The following HTR7 variants were observed in gnomAD, a reference collection of about 807,000 sequenced individuals.
HTR7 encodes the protein 5-HT-7.
Under a neutral mutation model 34.0 loss-of-function variants are expected in HTR7, and 16 were observed. The ratio of observed to expected loss-of-function variants is 0.47; its 90% CI spans 0.32 to 0.71. The LOEUF is 0.71. HTR7 is among the 30% of genes least tolerant of loss of function. The probability of loss-of-function intolerance (pLI) is 0.04; values close to 1 mark genes in which losing one functional copy is unlikely to be tolerated. For missense variants in HTR7, 504 were observed against 625.5 expected (o/e 0.81, Z 2.07); for synonymous variants, 265 against 260.2 (o/e 1.02, Z -0.18).
chr10:90,780,293 TG>T (rs113442264), intron 1 of HTR7, among the ~76,000 whole-genome samples: 2,591 of 152,212 alleles, frequency 0.017, 86 homozygotes, highest in African/African-American at 0.058. Context: ...CCCAGTATTT[TG>T]GGAGGCCAAG....
chr10:90,835,197 C>T (rs1846236052), intron 1 of HTR7, among the ~76,000 whole-genome samples: 1 of 152,132 alleles, frequency 6.6e-6, no homozygotes, highest in East Asian at 1.9e-4. Flanking sequence ...CTAGTCTTGC[C>T]TCTAGGGCTT....
chr10:90,794,571 A>G (rs7921267), intron 1 of HTR7, among the ~76,000 whole-genome samples: 112,717 of 152,136 alleles, frequency 0.74, 42,958 homozygotes, highest in African/African-American at 0.94. Flanking sequence ...ATGGCTCACT[A>G]CAGCCTCAAC....
intron 1 of HTR7, among the ~76,000 whole-genome samples, chr10:90,837,370 T>C (rs553239430): frequency 2.0e-5 from 3 of 152,320 alleles, no homozygotes; most frequent in Admixed American, 6.5e-5. Flanking sequence ...AACAATGATA[T>C]GGTTGAATGT....
intron 1 of HTR7, among the ~76,000 whole-genome samples, chr10:90,772,339 G>A (rs1373353354): frequency 1.3e-5 from 2 of 152,000 alleles, no homozygotes; most frequent in African/African-American, 2.4e-5. Context: ...TAGCCTATAT[G>A]AGCCATTAGT....
At chr10:90,805,722 G>C (rs1845694942) in intron 1 of HTR7, among the ~76,000 whole-genome samples, 1 of 152,156 alleles carries the variant, frequency 6.6e-6, no homozygotes, top group Non-Finnish European at 1.5e-5. Flanking sequence ...AACTCTGTAA[G>C]ATCTGCTTCT....
intron 1 of HTR7, among the ~76,000 whole-genome samples, chr10:90,822,693 T>C (rs2120016807): frequency 6.6e-6 from 1 of 152,264 alleles, no homozygotes; most frequent in Non-Finnish European, 1.5e-5. Context: ...CCTAGGGCAT[T>C]TCAGAGACTT....
intron 1 of HTR7, among the ~76,000 whole-genome samples, chr10:90,834,057 G>A (rs1391955667): frequency 6.6e-6 from 1 of 152,176 alleles, no homozygotes; most frequent in African/African-American, 2.4e-5. Context: ...TACTGCAAAA[G>A]AGAATGCGAA....
rs760705242 is a variant in HTR7, at chr10:90,748,948, G to A, written c.1186C>T (p.Arg396Cys). The A allele has an allele frequency of 5.6e-6, 9 of 1,614,074 alleles. No homozygotes were observed. The Admixed American group carries it at 1.2e-4, about 21-fold the overall frequency. The change falls in exon 2 of 4, where the codon CGC (arginine) becomes TGC (cysteine). Residue 396 changes from arginine (R) to cysteine (C), a missense_variant. Physicochemically the swap from Arg to Cys is radical, Grantham distance 180. This residue lies in a region of HTR7 where 154 missense variants were observed against 212.1 expected (regional missense o/e 0.73). Coordinates refer to ENST00000336152, the MANE Select transcript of HTR7 (RefSeq NM_019859.4). ...FFNRDLRTTY[R>C]SLLQCQYRNI... ...CGGTACTGGCACTGGAGCAGGCTGCGATAGGTGGTCCTCAGGTCCCGGTTG... is the reference window on the plus strand; with the variant it reads ...CGGTACTGGCACTGGAGCAGGCTGCAATAGGTGGTCCTCAGGTCCCGGTTG...
chr10:90,808,569 C>G (rs1845742858), intron 1 of HTR7, among the ~76,000 whole-genome samples: 1 of 151,760 alleles, frequency 6.6e-6, no homozygotes, highest in Non-Finnish European at 1.5e-5. Flanking sequence ...GCGCCCTGAT[C>G]CCTTATTTCC....
At chr10:90,835,986 A>G (rs145526099) in intron 1 of HTR7, among the ~76,000 whole-genome samples, 50 of 152,310 alleles carry the variant, frequency 3.3e-4, no homozygotes, top group African/African-American at 1.2e-3. Flanking sequence ...AACAACTTGG[A>G]TGCTATCTGA....
chr10:90,824,802 G>A (rs940514216), intron 1 of HTR7, among the ~76,000 whole-genome samples: 5 of 152,186 alleles, frequency 3.3e-5, no homozygotes, highest in African/African-American at 1.2e-4. Flanking sequence ...GAAGGGGGAG[G>A]GACTATTGGG....
intron 1 of HTR7, among the ~76,000 whole-genome samples, chr10:90,769,336 T>TTA (rs1001465104): frequency 5.9e-5 from 9 of 152,244 alleles, no homozygotes; most frequent in African/African-American, 2.2e-4. Context: ...GGATTAAATT[T>TTA]ACTCTATACT....
chr10:90,756,342 G>A (rs1305527970), intron 1 of HTR7, among the ~76,000 whole-genome samples: 1 of 152,210 alleles, frequency 6.6e-6, no homozygotes, highest in East Asian at 1.9e-4. Context: ...TGTTCCGGAT[G>A]TATGTAAATC....
chr10:90,835,316 G>A (rs185466457), intron 1 of HTR7, among the ~76,000 whole-genome samples: 1 of 152,248 alleles, frequency 6.6e-6, no homozygotes, highest in East Asian at 1.9e-4. Flanking sequence ...AGACCTTAAT[G>A]ACAGAACATC....
intron 1 of HTR7, among the ~76,000 whole-genome samples, chr10:90,824,865 G>T (rs574569131): frequency 9.2e-5 from 14 of 152,308 alleles, no homozygotes; most frequent in African/African-American, 2.9e-4. Context: ...CTGACTTCAG[G>T]TCCTGGCTCC....
chr10:90,855,573 G>A (rs1034547954), intron 1 of HTR7, among the ~76,000 whole-genome samples: 2 of 152,208 alleles, frequency 1.3e-5, no homozygotes, highest in Non-Finnish European at 2.9e-5. Context: ...TTGGTTGGCT[G>A]AGCAGTCAGA....
intron 1 of HTR7, among the ~76,000 whole-genome samples, chr10:90,779,576 C>T (rs1564679197): frequency 6.6e-6 from 1 of 152,180 alleles, no homozygotes; most frequent in Non-Finnish European, 1.5e-5. Flanking sequence ...TCTCTGAGTC[C>T]AGGCAACTCT....
chr10:90,764,360 C>T (rs1015411763), intron 1 of HTR7, among the ~76,000 whole-genome samples: 1 of 152,072 alleles, frequency 6.6e-6, no homozygotes. Context: ...GGATATTAGA[C>T]CCTTGTCAGA....
intron 1 of HTR7, among the ~76,000 whole-genome samples, chr10:90,853,944 C>T (rs1846539297): frequency 6.6e-6 from 1 of 152,182 alleles, no homozygotes; most frequent in Non-Finnish European, 1.5e-5. Context: ...CTTATGGATA[C>T]AATTCTTTGA....
Sources: gnomAD v4.1 joint callset for allele counts (sites outside exome capture counted in the v4.1 genomes callset) on GRCh38, gnomAD v4.1.1 for gene constraint, gnomAD v4.1.1 regional missense constraint, MANE v1.5 for transcripts, NCBI Gene and HGNC (gene_info 2026-07-23, HGNC 2026-07-21) for gene names.